Variants in C11orf65 observed in about 807,000 individuals in gnomAD.
C11orf65 encodes the protein chromosome 11 open reading frame 65, also known as protein MFI.
A neutral mutation model predicts 35.3 loss-of-function variants in C11orf65; 38 were observed. That is an observed-to-expected ratio of 1.08 (90% CI 0.83 to 1.41). The LOEUF is 1.41. Ranked by LOEUF, C11orf65 falls within the 40% of genes most tolerant of loss-of-function variation. The pLI, the probability that C11orf65 is intolerant of heterozygous loss-of-function variation, is 0.00. For missense variants in C11orf65, 370 were observed against 367.1 expected, an observed-to-expected ratio of 1.01 and a Z score of -0.06; for synonymous variants, 105 against 114.4, an observed-to-expected ratio of 0.92 and a Z score of 0.53.
rs908781160 is a variant in C11orf65, at chr11:108,331,914, C to T, written c.300-347G>A. On this transcript the variant is annotated intron_variant, in intron 3 of 3. Coordinates refer to the C11orf65 transcript ENST00000524755. The stretch of plus-strand genomic sequence containing the variant: ...GAATTTCAATGGATCACCCCCATCA[C>T]ACTTTGTTTATTATACTGGCCTTAG... 1.2e-6 allele frequency: 2 copies of T among 1,613,984 alleles called. No individual in the cohort carries two copies. Among genetic ancestry groups the T allele is most frequent in the East Asian group, 2.2e-5 (1 of 44,854 alleles).
intron 2 of C11orf65, among the ~76,000 whole-genome samples, chr11:108,448,512 A>T (rs1277739637): frequency 4.6e-5 from 7 of 152,212 alleles, no homozygotes; most frequent in Non-Finnish European, 5.9e-5. Flanking sequence ...TCCAGCATAT[A>T]AACAGAACCA....
intron 6 of C11orf65, chr11:108,325,204 T>C (rs1290749266): frequency 2.7e-5 from 21 of 783,932 alleles, no homozygotes; most frequent in African/African-American, 3.5e-5. Context: ...CAAAAGTTCC[T>C]TTGTATTATT....
At chr11:108,313,165 A>T (rs757588047) in intron 6 of C11orf65, among the ~76,000 whole-genome samples, 1 of 152,186 alleles carries the variant, frequency 6.6e-6, no homozygotes, top group Non-Finnish European at 1.5e-5. Context: ...CTTCTATTTG[A>T]GACTAATTCT....
intron 3 of C11orf65, among the ~76,000 whole-genome samples, chr11:108,414,802 C>T (rs996591538): frequency 1.3e-5 from 2 of 151,902 alleles, no homozygotes; most frequent in African/African-American, 4.8e-5. Flanking sequence ...TGAGCATAGA[C>T]TTAAAAATCC....
At chr11:108,353,644 T>C (rs2089472606) in intron 2 of C11orf65, 1 of 779,310 alleles carries the variant, frequency 1.3e-6, no homozygotes, top group Non-Finnish European at 2.3e-6. Context: ...CTACTGTACA[T>C]ACTAGTGTTC....
chr11:108,427,900 G>A (rs1433034686), intron 3 of C11orf65, among the ~76,000 whole-genome samples: 4 of 105,606 alleles, frequency 3.8e-5, no homozygotes, highest in Admixed American at 2.7e-4. Flanking sequence ...GCGGGATCTC[G>A]GCTCACTGCA....
chr11:108,438,190 A>G (rs1428404191), intron 2 of C11orf65, among the ~76,000 whole-genome samples: 1 of 152,196 alleles, frequency 6.6e-6, no homozygotes, highest in Non-Finnish European at 1.5e-5. Context: ...TGACAATTAT[A>G]TACCCACATG....
downstream of C11orf65, among the ~76,000 whole-genome samples, chr11:108,379,377 C>G (rs1441178761): frequency 6.7e-6 from 1 of 148,554 alleles, no homozygotes; most frequent in African/African-American, 2.5e-5. Flanking sequence ...TATCGCAGGA[C>G]AAAAAACCAA....
rs116062449 is a variant in C11orf65, at chr11:108,429,932, T to G, written c.174+1814A>C. 2.5e-3 allele frequency among the ~76,000 whole-genome samples: 376 copies of G among 152,202 alleles called. 2 individuals are homozygous for G. Among genetic ancestry groups the G allele is most frequent in the African/African-American group, 8.7e-3 (363 of 41,526 alleles). On this transcript the variant is annotated intron_variant, in intron 3 of 8. Coordinates refer to ENST00000393084, the MANE Select transcript of C11orf65 (RefSeq NM_152587.5). Reference sequence around the variant, plus strand: ...GTATAATTCCACTCCTATGAGGTAATTAGTCAAATTCATAGGGACAGGAGG... The same window carrying G: ...GTATAATTCCACTCCTATGAGGTAAGTAGTCAAATTCATAGGGACAGGAGG...
intron 2 of C11orf65, among the ~76,000 whole-genome samples, chr11:108,447,160 T>C (rs891906947): frequency 3.3e-5 from 5 of 152,122 alleles, no homozygotes; most frequent in Non-Finnish European, 7.3e-5. Context: ...ACAAAGGGAC[T>C]TAGACTCCCA....
intron 2 of C11orf65, among the ~76,000 whole-genome samples, chr11:108,337,103 G>A (rs2086937373): frequency 6.6e-6 from 1 of 152,118 alleles, no homozygotes; most frequent in African/African-American, 2.4e-5. Context: ...GAATAAATTA[G>A]ATCTACCCTC....
intron 2 of C11orf65, among the ~76,000 whole-genome samples, chr11:108,344,543 A>G (rs1416687368): frequency 3.3e-5 from 5 of 152,182 alleles, no homozygotes; most frequent in African/African-American, 1.2e-4. Context: ...TCAGACTTGC[A>G]TTTTAGAAAG....
At chr11:108,373,685 G>A (rs866413404) in intron 2 of C11orf65, among the ~76,000 whole-genome samples, 1 of 152,218 alleles carries the variant, frequency 6.6e-6, no homozygotes, top group African/African-American at 2.4e-5. Context: ...AGGACAGTGG[G>A]TGCAGCGCAC....
chr11:108,325,387 T>G, intron 6 of C11orf65: 1 of 1,613,886 alleles, frequency 6.2e-7, no homozygotes, highest in Non-Finnish European at 8.5e-7. Context: ...GACAGTGATT[T>G]TAGTTTTCAG....
At chr11:108,338,024 CACA>C (rs1233864519) in intron 2 of C11orf65, among the ~76,000 whole-genome samples, 2 of 152,236 alleles carry the variant, frequency 1.3e-5, no homozygotes, top group African/African-American at 4.8e-5. Context: ...CTAGTTTTCA[CACA>C]AAACTATTTT....
At chr11:108,335,401 T>C in intron 2 of C11orf65, 1 of 770,908 alleles carries the variant, frequency 1.3e-6, no homozygotes, top group South Asian at 1.8e-5. Flanking sequence ...CTTTGGTGTC[T>C]GTCTCTTATT....
rs45613232 is a variant in C11orf65, at chr11:108,315,698, T to G, written c.641-6627A>C. On this transcript the variant is annotated intron_variant, in intron 6 of 6. Transcript: ENST00000525729. ...AACTGTATTTCAGAATCATTACATT[T>G]TATTTCTATAACATAACATTTAGAG... The G allele has an allele frequency of 2.5e-3, 1,820 of 740,480 alleles. 11 individuals carry two copies. The highest frequency in any genetic ancestry group is 0.018 in the African/African-American group (999 of 57,040). The allele number at this position is 740,480 out of a possible 1,614,324, so 45.9% of individuals were successfully genotyped here.
At chr11:108,393,987 CT>C (rs1304676644) in intron 6 of C11orf65, among the ~76,000 whole-genome samples, 2 of 152,040 alleles carry the variant, frequency 1.3e-5, no homozygotes. Context: ...CGAGACCAGC[CT>C]GGCCAACATG....
At chr11:108,410,312 T>C (rs1308244070) in intron 3 of C11orf65, among the ~76,000 whole-genome samples, 1 of 152,204 alleles carries the variant, frequency 6.6e-6, no homozygotes, top group Non-Finnish European at 1.5e-5. Flanking sequence ...GCTGAGCACC[T>C]TGCATATGCT....
Sources: gnomAD v4.1 joint callset for allele counts (sites outside exome capture counted in the v4.1 genomes callset) on GRCh38, gnomAD v4.1.1 for gene constraint, MANE v1.5 for transcripts, NCBI Gene and HGNC (gene_info 2026-07-23, HGNC 2026-07-21) for gene names.